PCCA: variants seen among roughly 807,000 people sequenced by gnomAD.
PCCA encodes the protein propionyl-CoA carboxylase alpha chain, mitochondrial.
Under a neutral mutation model 101.3 loss-of-function variants are expected in PCCA, and 74 were observed. The observed-to-expected ratio is 0.73, with a 90% CI of 0.61 to 0.89. The LOEUF is 0.89. Among genes scored for constraint, PCCA ranks in the 40% least tolerant of loss-of-function variants. The pLI is 0.00. For missense variants in PCCA, 891 were observed against 907.0 expected, an observed-to-expected ratio of 0.98 and a Z score of 0.23; for synonymous variants, 294 against 313.6, an observed-to-expected ratio of 0.94 and a Z score of 0.66.
intron 19 of PCCA, 47 bp downstream of exon 19, chr13:100,368,621 G>A (rs760717801): frequency 7.5e-6 from 9 of 1,196,530 alleles, no homozygotes; most frequent in Non-Finnish European, 1.1e-5. Context: ...TGTTATCTAT[G>A]AATATTTAAA....
intron 4 of PCCA, among the ~76,000 whole-genome samples, chr13:100,135,602 T>C (rs2051063974): frequency 6.6e-6 from 1 of 152,212 alleles, no homozygotes; most frequent in African/African-American, 2.4e-5. Context: ...ATGTTGTCTG[T>C]GAACAGAGAC....
intron 16 of PCCA, among the ~76,000 whole-genome samples, chr13:100,311,181 C>T (rs768625569): frequency 1.3e-5 from 2 of 151,292 alleles, no homozygotes; most frequent in Non-Finnish European, 2.9e-5. Flanking sequence ...TGCAGTGAGC[C>T]GAGATCACGC....
intron 18 of PCCA, among the ~76,000 whole-genome samples, chr13:100,346,095 C>T (rs2072171553): frequency 6.6e-6 from 1 of 152,150 alleles, no homozygotes; most frequent in Non-Finnish European, 1.5e-5. Context: ...CGCCTGCTAA[C>T]ACAACGTTCA....
Position 100,530,290 on chromosome 13 carries a change from T to C in PCCA, c.*124T>C, listed in dbSNP as rs867615297. ...GCAGCTACGTTTACGTCGTCATTTA[T>C]TCCACAGAGTCAAGACCAATATTCT... On this transcript the variant is annotated 3_prime_UTR_variant, in exon 24 of 24. Coordinates refer to ENST00000376285, the MANE Select transcript of PCCA (RefSeq NM_000282.4). The C allele has an allele frequency of 2.5e-6, 2 of 804,266 alleles. No individual in the cohort carries two copies. Among genetic ancestry groups the C allele is most frequent in the Middle Eastern group, 2.3e-4 (1 of 4,418 alleles). 49.8% of individuals were successfully genotyped at this position (804,266 alleles called of 1,614,324 possible).
rs186148637 is a variant in PCCA at position 100,432,988 on chromosome 13, T to G, written c.1845+7257T>G. ...ACAGGATGTCTTTCCTTTTTATGGC[T>G]GAATAATATTCCATTGTGTGAATAT... On this transcript the variant is annotated intron_variant, in intron 20 of 23. Transcript: ENST00000376285. Among the ~76,000 whole-genome samples the G allele has an allele frequency of 3.0e-3, 464 of 152,346 alleles. 1 individual carries two copies. Among genetic ancestry groups the G allele is most frequent in the African/African-American group, 0.011 (441 of 41,588 alleles).
At position 100,527,692 on chromosome 13, in the gene PCCA, A is replaced by C. The variant is rs201262335; in HGVS notation, c.2058A>C (p.Glu686Asp). The change falls in exon 23 of 24, where the codon GAA (glutamate) becomes GAC (aspartate). Residue 686 changes from glutamate to aspartate, a missense_variant. Transcript: ENST00000376285. ...KPGDAVAEGQ[E>D]ICVIEAMKMQ... Reference sequence around the variant, plus strand: ...TTTTCCAGGTAGCAGAAGGTCAAGAAATTTGTGTGATTGAAGCCATGAAAA... The same window carrying C: ...TTTTCCAGGTAGCAGAAGGTCAAGACATTTGTGTGATTGAAGCCATGAAAA... The C allele has an allele frequency of 6.2e-7, 1 of 1,613,976 alleles. No individual in the cohort carries two copies. The highest frequency in any genetic ancestry group is 1.7e-5 in the Admixed American group (1 of 60,022).
At chr13:100,223,197 A>G (rs1401139939) in intron 7 of PCCA, among the ~76,000 whole-genome samples, 1 of 150,310 alleles carries the variant, frequency 6.7e-6, no homozygotes, top group Non-Finnish European at 1.5e-5. Context: ...CATGCCACAG[A>G]TCCTGCTTTC....
chr13:100,175,896 T>C (rs567572884), intron 6 of PCCA, among the ~76,000 whole-genome samples: 73 of 152,334 alleles, frequency 4.8e-4, no homozygotes, highest in African/African-American at 1.8e-3. Flanking sequence ...AAATTCTTTT[T>C]TCATGGCAGA....
chr13:100,352,024 G>T (rs1214650116), intron 18 of PCCA, among the ~76,000 whole-genome samples: 1 of 151,930 alleles, frequency 6.6e-6, no homozygotes, highest in Non-Finnish European at 1.5e-5. Context: ...AATAGTATTA[G>T]TAAAAGAAAA....
intron 20 of PCCA, among the ~76,000 whole-genome samples, chr13:100,446,775 A>C (rs1409080294): frequency 5.9e-5 from 9 of 152,230 alleles, no homozygotes; most frequent in African/African-American, 2.2e-4. Context: ...AACGAGAGTC[A>C]ACTAATATTT....
intron 4 of PCCA, among the ~76,000 whole-genome samples, chr13:100,115,246 G>A (rs1289430001): frequency 2.0e-5 from 3 of 152,048 alleles, no homozygotes; most frequent in Admixed American, 6.6e-5. Context: ...TAGAGAGAGA[G>A]TAGAAGGATG....
At chr13:100,355,932 G>A (rs570580875) in intron 18 of PCCA, among the ~76,000 whole-genome samples, 1 of 152,240 alleles carries the variant, frequency 6.6e-6, no homozygotes, top group East Asian at 1.9e-4. Context: ...GTTGATCAAT[G>A]GAATAGAATC....
At chr13:100,422,121 T>TC (rs2078855993) in intron 19 of PCCA, among the ~76,000 whole-genome samples, 16 of 135,464 alleles carry the variant, frequency 1.2e-4, no homozygotes, top group African/African-American at 4.3e-4. Flanking sequence ...TTTCTTTCTT[T>TC]TCTTTCTTTC....
chr13:100,342,367 G>T (rs1402474211), intron 18 of PCCA, among the ~76,000 whole-genome samples: 1 of 151,740 alleles, frequency 6.6e-6, no homozygotes, highest in African/African-American at 2.4e-5. Flanking sequence ...GGGTTCAAGC[G>T]ATTCTCCTGC....
intron 21 of PCCA, among the ~76,000 whole-genome samples, chr13:100,511,080 T>G (rs1374576354): frequency 1.3e-5 from 2 of 152,226 alleles, no homozygotes; most frequent in Non-Finnish European, 2.9e-5. Context: ...GCTCCTAACC[T>G]TGCTCTGCTT....
intron 6 of PCCA, among the ~76,000 whole-genome samples, chr13:100,197,708 C>T (rs2058204909): frequency 6.6e-6 from 1 of 152,222 alleles, no homozygotes; most frequent in African/African-American, 2.4e-5. Flanking sequence ...GCATGAGCCA[C>T]TGTGCCCAGC....
chr13:100,312,567 T>C (rs2067008027), intron 16 of PCCA, among the ~76,000 whole-genome samples: 2 of 152,268 alleles, frequency 1.3e-5, no homozygotes, highest in Admixed American at 1.3e-4. Context: ...CTGACCCAGC[T>C]ATTCATCTTT....
intron 19 of PCCA, among the ~76,000 whole-genome samples, chr13:100,421,723 C>G (rs906791623): frequency 6.6e-6 from 1 of 152,014 alleles, no homozygotes; most frequent in Non-Finnish European, 1.5e-5. Context: ...CCCGCTCTGT[C>G]GTGCAGGCTG....
At chr13:100,223,439 A>G (rs1352365675) in intron 7 of PCCA, among the ~76,000 whole-genome samples, 4 of 151,628 alleles carry the variant, frequency 2.6e-5, no homozygotes, top group Non-Finnish European at 1.5e-5. Flanking sequence ...TACAGCTCTT[A>G]AGGTGGCACG....
Sources: allele counts gnomAD v4.1 joint callset (sites outside exome capture counted in the v4.1 genomes callset), GRCh38; gene constraint gnomAD v4.1.1; transcripts MANE v1.5; gene names NCBI Gene and HGNC (gene_info 2026-07-23, HGNC 2026-07-21).